The following SDCCAG8 variants were observed in gnomAD, a reference collection of about 807,000 sequenced individuals.
The protein encoded by SDCCAG8 is SHH signaling and ciliogenesis regulator SDCCAG8.
Under a neutral mutation model 101.8 loss-of-function variants are expected in SDCCAG8, and 74 were observed. The ratio of observed to expected loss-of-function variants is 0.73; its 90% confidence interval spans 0.60 to 0.88. The LOEUF is 0.88. Ranked by LOEUF, SDCCAG8 falls within the 40% of genes least tolerant of loss-of-function variation. SDCCAG8 has a pLI of 0.00. For synonymous variants in SDCCAG8, 281 were observed against 292.9 expected, an observed-to-expected ratio of 0.96 and a Z score of 0.41; for missense variants, 787 against 822.6, an observed-to-expected ratio of 0.96 and a Z score of 0.53.
intron 15 of SDCCAG8, among the ~76,000 whole-genome samples, chr1:243,422,577 G>C (rs548821812): frequency 1.6e-4 from 24 of 152,250 alleles, no homozygotes; most frequent in South Asian, 6.2e-4. Flanking sequence ...CCAACTGTGT[G>C]AGTTTAATTG....
At chr1:243,430,376 A>G (rs889900174) in intron 16 of SDCCAG8, among the ~76,000 whole-genome samples, 4 of 152,184 alleles carry the variant, frequency 2.6e-5, no homozygotes, top group Admixed American at 6.5e-5. Flanking sequence ...GTGGCATACA[A>G]TGAGGTTGGA....
intron 5 of SDCCAG8, among the ~76,000 whole-genome samples, chr1:243,288,323 A>C (rs1386056410): frequency 6.6e-6 from 1 of 151,930 alleles, no homozygotes; most frequent in Non-Finnish European, 1.5e-5. Flanking sequence ...ATAAAAAAAA[A>C]ATTAGCCGAG....
intron 12 of SDCCAG8, among the ~76,000 whole-genome samples, chr1:243,378,199 T>C (rs2077714629): frequency 6.6e-6 from 1 of 151,934 alleles, no homozygotes; most frequent in Non-Finnish European, 1.5e-5. Flanking sequence ...GATTATTTTT[T>C]CCAAGTAATA....
intron 13 of SDCCAG8, among the ~76,000 whole-genome samples, chr1:243,386,396 T>C (rs2078289662): frequency 1.3e-5 from 2 of 152,134 alleles, no homozygotes; most frequent in South Asian, 4.1e-4. Flanking sequence ...GAATTTATAA[T>C]AGAAATAAAT....
intron 6 of SDCCAG8, among the ~76,000 whole-genome samples, chr1:243,300,253 C>T (rs2071374197): frequency 6.6e-6 from 1 of 152,156 alleles, no homozygotes; most frequent in Non-Finnish European, 1.5e-5. Context: ...TTGCTCACTT[C>T]AGAAACCCAG....
At chr1:243,361,516 A>T (rs556133371) in intron 12 of SDCCAG8, among the ~76,000 whole-genome samples, 7 of 152,340 alleles carry the variant, frequency 4.6e-5, no homozygotes, top group Admixed American at 4.6e-4. Context: ...ATTTAGAAAC[A>T]TGAGTCCAAA....
rs138134932 is a variant in SDCCAG8, at chr1:243,479,130, C to T, written c.1986-9884C>T. Among the ~76,000 whole-genome samples, 131 of 152,320 alleles carry T rather than the reference C, an allele frequency of 8.6e-4. No individual in the cohort carries two copies. The East Asian group carries it at 0.015, about 17-fold the overall frequency. On this transcript the variant is annotated intron_variant, in intron 16 of 17. Coordinates refer to ENST00000366541, the MANE Select transcript of SDCCAG8 (RefSeq NM_006642.5). The stretch of plus-strand genomic sequence containing the variant: ...GGTTAAGTGTTGGAACAAAGTAATA[C>T]AGCTTTACATTAACATGGTTTATTC...
chr1:243,279,434 T>A (rs1478602551), intron 4 of SDCCAG8, among the ~76,000 whole-genome samples: 2 of 152,268 alleles, frequency 1.3e-5, no homozygotes, highest in African/African-American at 4.8e-5. Flanking sequence ...TCACTGCCAC[T>A]GCTGCTGCCC....
intron 9 of SDCCAG8, chr1:243,318,651 C>A: frequency 2.8e-6 from 2 of 707,448 alleles, no homozygotes; most frequent in Non-Finnish European, 3.5e-6. Flanking sequence ...CAGTTATGAC[C>A]AAACTCCCCA....
Position 243,286,309 on chromosome 1 carries a change from T to A in SDCCAG8, c.458T>A (p.Val153Asp). Residue 153 changes from valine to aspartate, a missense_variant, in exon 5 of 18, where the codon GTT becomes GAT. Val to Asp is a radical substitution (Grantham distance 152). Coordinates refer to ENST00000366541, the MANE Select transcript of SDCCAG8 (RefSeq NM_006642.5). ...LSGMKNKIQV[V>D]VLENEGLQQQ... ...GGAATGAAAAATAAAATACAAGTAG[T>A]TGTGCTTGAAAACGAAGGGCTCCAG... The A allele has an allele frequency of 6.2e-7, 1 of 1,614,100 alleles. No individual in the cohort carries two copies. The highest frequency in any genetic ancestry group is 8.5e-7 in the Non-Finnish European group (1 of 1,179,936).
At chr1:243,263,285 G>A (rs1470756078) in intron 1 of SDCCAG8, among the ~76,000 whole-genome samples, 1 of 152,164 alleles carries the variant, frequency 6.6e-6, no homozygotes, top group Non-Finnish European at 1.5e-5. Context: ...GTAGGCAGAA[G>A]CCAGGGATGC....
chr1:243,443,881 C>A (rs1161031721), intron 16 of SDCCAG8, among the ~76,000 whole-genome samples: 1 of 151,898 alleles, frequency 6.6e-6, no homozygotes, highest in Non-Finnish European at 1.5e-5. Flanking sequence ...TATTTATATT[C>A]CTAGTTTTCA....
intron 15 of SDCCAG8, among the ~76,000 whole-genome samples, chr1:243,424,082 T>C (rs1377115844): frequency 1.3e-5 from 2 of 152,144 alleles, no homozygotes; most frequent in Non-Finnish European, 2.9e-5. Flanking sequence ...TGTAGATATT[T>C]TCAATATTTC....
chr1:243,376,654 C>T (rs904441532), intron 12 of SDCCAG8, among the ~76,000 whole-genome samples: 2 of 152,002 alleles, frequency 1.3e-5, no homozygotes, highest in South Asian at 2.1e-4. Context: ...TTCAAAATTC[C>T]GGAGTAATCT....
At chr1:243,408,527 C>A (rs2147994268) in intron 13 of SDCCAG8, among the ~76,000 whole-genome samples, 1 of 152,272 alleles carries the variant, frequency 6.6e-6, no homozygotes, top group South Asian at 2.1e-4. Context: ...ATTTGGCTGT[C>A]AAGATGGATA....
chr1:243,296,828 C>T (rs1573054896), intron 6 of SDCCAG8, among the ~76,000 whole-genome samples: 1 of 152,222 alleles, frequency 6.6e-6, no homozygotes, highest in African/African-American at 2.4e-5. Flanking sequence ...CCACCGCGCC[C>T]GGCCCCAACT....
rs561515854 is a variant in SDCCAG8, at chr1:243,341,005, C to T, written c.1222-34C>T. On this transcript the variant is annotated intron_variant, in intron 10 of 17. Coordinates refer to ENST00000366541, the MANE Select transcript of SDCCAG8 (RefSeq NM_006642.5). ...TTTTAGTATTTGATTTGTCAAATGA[C>T]ATTATTGTTTAGGACTTTTATTTTC... 59 of 1,602,978 alleles carry T rather than the reference C, an allele frequency of 3.7e-5. 3 individuals carry two copies. The South Asian group carries it at 6.3e-4, about 17-fold the overall frequency.
chr1:243,426,544 G>A lies in SDCCAG8; in HGVS notation c.1971G>A (p.Glu657=), dbSNP rs1008898352. 1 of 1,613,980 alleles carries A rather than the reference G, an allele frequency of 6.2e-7. No homozygotes were observed. The highest frequency in any genetic ancestry group is 8.5e-7 in the Non-Finnish European group (1 of 1,179,916). Residue 657 remains glutamate (E), a synonymous_variant, in exon 16 of 18, where the codon GAG becomes GAA. Coordinates refer to ENST00000366541, the MANE Select transcript of SDCCAG8 (RefSeq NM_006642.5). ...GTGTCCAGCATGGGAGAGTACATGA[G>A]ACGATGAAGCAAAGGTAATCAAGGT... ...EQCVQHGRVH[E]TMKQRLRQLD...
intron 16 of SDCCAG8, among the ~76,000 whole-genome samples, chr1:243,442,901 T>C (rs558040981): frequency 6.6e-5 from 10 of 152,346 alleles, no homozygotes; most frequent in African/African-American, 1.7e-4. Flanking sequence ...TCCAGCAAAA[T>C]AGTCCATTAA....
Sources: gnomAD v4.1 joint callset for allele counts (sites outside exome capture counted in the v4.1 genomes callset) on GRCh38, gnomAD v4.1.1 for gene constraint, MANE v1.5 for transcripts, NCBI Gene and HGNC (gene_info 2026-07-23, HGNC 2026-07-21) for gene names.